Variants in NLGN1 observed in about 807,000 individuals in gnomAD.
NLGN1 encodes neuroligin-1.
Under a neutral mutation model 65.5 loss-of-function variants are expected in NLGN1, and 12 were observed. The observed-to-expected ratio is 0.18, with a 90% CI of 0.12 to 0.30. The LOEUF (loss-of-function observed/expected upper bound fraction) is 0.30. NLGN1 is among the 10% of genes least tolerant of loss of function. NLGN1 has a pLI of 1.00. For synonymous variants in NLGN1, 350 were observed against 359.5 expected (o/e 0.97, Z 0.30); for missense variants, 750 against 1,007.1 (o/e 0.74, Z 3.46).
At chr3:174,289,899 ATATATATATATGTATGTATATATATGTG>A (rs1244934746), downstream of NLGN1, among the ~76,000 whole-genome samples, 2 of 125,258 alleles carry the variant, frequency 1.6e-5, no homozygotes, top group African/African-American at 2.7e-5. Context: ...GGGGCACTTT[ATATATATATATGTATGTATATATATGTG>A]TATATATATA....
chr3:174,132,308 T>C (rs1720366215), intron 4 of NLGN1, among the ~76,000 whole-genome samples: 1 of 152,128 alleles, frequency 6.6e-6, no homozygotes, highest in Admixed American at 6.5e-5. Context: ...TTAAATAAAA[T>C]AGCCAAAACC....
intron 4 of NLGN1, among the ~76,000 whole-genome samples, chr3:174,086,284 A>C (rs13096387): frequency 0.077 from 437 of 5,654 alleles, 1 homozygote; most frequent in Admixed American, 0.15. Flanking sequence ...TATGTGCATA[A>C]ATATATATAT....
chr3:174,200,787 A>C (rs1228439692), intron 4 of NLGN1, among the ~76,000 whole-genome samples: 2 of 152,204 alleles, frequency 1.3e-5, no homozygotes, highest in Non-Finnish European at 2.9e-5. Flanking sequence ...ACTTGACCCT[A>C]AACAGACCAG....
chr3:173,962,451 A>G (rs1016696646), intron 4 of NLGN1, among the ~76,000 whole-genome samples: 2 of 152,142 alleles, frequency 1.3e-5, no homozygotes, highest in African/African-American at 4.8e-5. Flanking sequence ...TGTGTTTGGT[A>G]GATACTCTAC....
chr3:174,106,513 AT>A (rs1474254926), intron 4 of NLGN1, among the ~76,000 whole-genome samples: 1 of 152,096 alleles, frequency 6.6e-6, no homozygotes, highest in Admixed American at 6.6e-5. Flanking sequence ...AAAACCAAGA[AT>A]TTATATATAC....
At chr3:174,162,679 A>C (rs920607958) in intron 4 of NLGN1, among the ~76,000 whole-genome samples, 3 of 151,536 alleles carry the variant, frequency 2.0e-5, no homozygotes, top group African/African-American at 7.3e-5. Context: ...TATGGATCCT[A>C]ACCATGAATT....
chr3:173,848,339 C>T (rs572687894), intron 4 of NLGN1, among the ~76,000 whole-genome samples: 11 of 152,274 alleles, frequency 7.2e-5, no homozygotes, highest in African/African-American at 2.6e-4. Flanking sequence ...TTACAGAAGT[C>T]AAATCACTTT....
intron 4 of NLGN1, among the ~76,000 whole-genome samples, chr3:174,155,279 A>T (rs1725234352): frequency 6.6e-6 from 1 of 151,260 alleles, no homozygotes; most frequent in African/African-American, 2.4e-5. Flanking sequence ...CTTTCAAGAG[A>T]TGCTTGACAG....
At chr3:174,026,458 T>C (rs1728849154) in intron 4 of NLGN1, among the ~76,000 whole-genome samples, 1 of 152,188 alleles carries the variant, frequency 6.6e-6, no homozygotes, top group East Asian at 1.9e-4. Context: ...ATATCCTACA[T>C]ATACATAGAG....
intron 2 of NLGN1, among the ~76,000 whole-genome samples, chr3:173,529,387 G>C (rs931785325): frequency 6.6e-6 from 1 of 152,142 alleles, no homozygotes; most frequent in African/African-American, 2.4e-5. Flanking sequence ...GGGGTGAAGG[G>C]GGGACAAAGA....
rs190918187 is a variant in NLGN1 at position 173,851,475 on chromosome 3, T to C, written c.646+43643T>C. 2.7e-3 allele frequency among the ~76,000 whole-genome samples: 418 copies of C among 152,306 alleles called. 2 individuals are homozygous for C. Among genetic ancestry groups the C allele is most frequent in the African/African-American group, 9.8e-3 (408 of 41,562 alleles). On this transcript the variant is annotated intron_variant, in intron 4 of 6. Coordinates refer to ENST00000457714, the Ensembl canonical transcript of NLGN1. ...CAATTTTTAACTCATATTTTACAAA[T>C]GCTTACTTTTCTGAAGACATTCATA...
chr3:173,492,875 T>C (rs988964657), intron 2 of NLGN1, among the ~76,000 whole-genome samples: 7 of 151,802 alleles, frequency 4.6e-5, no homozygotes, highest in African/African-American at 1.7e-4. Flanking sequence ...GCTGAAAATT[T>C]GGAATTCCAA....
At chr3:174,044,364 A>G (rs1465964002) in intron 4 of NLGN1, among the ~76,000 whole-genome samples, 1 of 152,066 alleles carries the variant, frequency 6.6e-6, no homozygotes, top group Non-Finnish European at 1.5e-5. Flanking sequence ...TTTCTATCAC[A>G]AGACCAGGCT....
chr3:173,490,162 T>C (rs1728872891), intron 2 of NLGN1, among the ~76,000 whole-genome samples: 1 of 152,256 alleles, frequency 6.6e-6, no homozygotes, highest in South Asian at 2.1e-4. Flanking sequence ...TCCTTGCCCA[T>C]GCCTATGTCC....
intron 4 of NLGN1, among the ~76,000 whole-genome samples, chr3:174,194,863 T>C (rs1185661834): frequency 2.6e-5 from 1 of 39,074 alleles, no homozygotes; most frequent in Non-Finnish European, 7.6e-5. Flanking sequence ...TTCTTTTTTC[T>C]TTTTTCTTTT....
At chr3:173,872,849 G>A (rs1248578451) in intron 4 of NLGN1, among the ~76,000 whole-genome samples, 1 of 151,952 alleles carries the variant, frequency 6.6e-6, no homozygotes, top group Admixed American at 6.6e-5. Flanking sequence ...ATAATATCTG[G>A]AACCTCTCCC....
intron 3 of NLGN1, among the ~76,000 whole-genome samples, chr3:173,742,195 G>A (rs1774754982): frequency 6.6e-6 from 1 of 151,944 alleles, no homozygotes. Flanking sequence ...CCTTTACAAG[G>A]CTGCAGGCAG....
At chr3:173,439,673 C>T (rs1264235400) in intron 2 of NLGN1, among the ~76,000 whole-genome samples, 1 of 151,732 alleles carries the variant, frequency 6.6e-6, no homozygotes, top group African/African-American at 2.4e-5. Context: ...TATGTTTACA[C>T]TATATTGTAG....
chr3:174,221,832 C>T (rs1577425573), intron 4 of NLGN1, among the ~76,000 whole-genome samples: 1 of 151,940 alleles, frequency 6.6e-6, no homozygotes, highest in Non-Finnish European at 1.5e-5. Context: ...TGATATGTAG[C>T]TGCGTCATTC....
Sources: gnomAD v4.1 joint callset for allele counts (sites outside exome capture counted in the v4.1 genomes callset) on GRCh38, gnomAD v4.1.1 for gene constraint, MANE v1.5 for transcripts, NCBI Gene and HGNC (gene_info 2026-07-23, HGNC 2026-07-21) for gene names.